Variants in MAP4 observed in about 807,000 individuals in gnomAD.
MAP4 encodes microtubule-associated protein 4.
A neutral mutation model predicts 170.2 loss-of-function variants in MAP4; 76 were observed. The observed-to-expected ratio is 0.45, with a 90% CI of 0.37 to 0.54. The LOEUF (loss-of-function observed/expected upper bound fraction) is 0.54. MAP4 is among the 20% of genes least tolerant of loss of function. MAP4 has a pLI of 0.00. For missense variants in MAP4, 2,506 were observed against 2,748.0 expected (o/e 0.91, Z 1.97); for synonymous variants, 909 against 994.5 (o/e 0.91, Z 1.62).
intron 1 of MAP4, among the ~76,000 whole-genome samples, chr3:48,044,691 A>C (rs2154541110): frequency 6.6e-6 from 1 of 152,158 alleles, no homozygotes; most frequent in Non-Finnish European, 1.5e-5. Context: ...TGAACCTAGG[A>C]CGGGTTCACT....
chr3:47,948,135 C>T (rs1322727237), intron 3 of MAP4, among the ~76,000 whole-genome samples: 1 of 151,356 alleles, frequency 6.6e-6, no homozygotes, highest in African/African-American at 2.4e-5. Context: ...GTAGCTGGGA[C>T]TACAGGTGCC....
intron 1 of MAP4, among the ~76,000 whole-genome samples, chr3:48,031,559 A>C (rs577995998): frequency 2.0e-4 from 31 of 152,128 alleles, no homozygotes; most frequent in African/African-American, 6.3e-4. Context: ...TCAAAAAAAA[A>C]CAAAAAAACA....
At chr3:47,864,333 G>A (rs2075452515) in intron 17 of MAP4, among the ~76,000 whole-genome samples, 1 of 152,238 alleles carries the variant, frequency 6.6e-6, no homozygotes, top group African/African-American at 2.4e-5. Context: ...CTGAGGTCAG[G>A]AGTTCGAGAC....
intron 1 of MAP4, among the ~76,000 whole-genome samples, chr3:48,015,001 G>T (rs2100107071): frequency 6.6e-6 from 1 of 152,128 alleles, no homozygotes. Context: ...TATCAAAGTA[G>T]GGAAAGGGTA....
chr3:47,853,163 TTG>T lies in MAP4; in HGVS notation c.6884_6885del (p.Thr2295LysfsTer7). 1 of 1,597,478 alleles carries T rather than the reference TTG, an allele frequency of 6.3e-7. No individual in the cohort carries two copies. The highest frequency in any genetic ancestry group is 8.5e-7 in the Non-Finnish European group (1 of 1,170,928). The stretch of plus-strand genomic sequence containing the variant: ...CCTTAGGCCGAGCCCAGCCACTTAC[TTG>T]TCTCCTGGATCTGGCTGTCCAAGGT... ...AQTLDSQIQE[T>X]N On this transcript the variant is annotated frameshift_variant and splice_region_variant, in exon 20 of 21. Transcript: ENST00000683076. LOFTEE classifies it high-confidence loss of function.
rs558495909 is a variant in MAP4, at chr3:48,006,145, G to A, written c.-19-7266C>T. Among the ~76,000 whole-genome samples the A allele has an allele frequency of 9.0e-4, 137 of 152,282 alleles. 1 individual carries two copies. The highest frequency in any genetic ancestry group is 1.8e-3 in the Non-Finnish European group (124 of 68,016). On this transcript the variant is annotated intron_variant, in intron 1 of 20. Coordinates refer to ENST00000683076, the MANE Select transcript of MAP4 (RefSeq NM_001385682.1). Reference sequence around the variant, plus strand: ...AAGACTAATTTGAATTATAAAAAGAGAATCATGGCCCCTCACTCAATCCAT... The same window carrying A: ...AAGACTAATTTGAATTATAAAAAGAAAATCATGGCCCCTCACTCAATCCAT...
chr3:47,951,909 G>C (rs1243834497), intron 3 of MAP4, among the ~76,000 whole-genome samples: 3 of 151,428 alleles, frequency 2.0e-5, no homozygotes, highest in Non-Finnish European at 4.4e-5. Flanking sequence ...AGTGAGGAGC[G>C]CCTCTTCCCG....
At chr3:47,889,619 T>C (rs575707281) in intron 10 of MAP4, among the ~76,000 whole-genome samples, 1 of 152,348 alleles carries the variant, frequency 6.6e-6, no homozygotes, top group African/African-American at 2.4e-5. Flanking sequence ...CATCTGAAAT[T>C]TTTTTCTATT....
At chr3:48,045,860 T>C (rs1256917523) in intron 1 of MAP4, among the ~76,000 whole-genome samples, 2 of 152,240 alleles carry the variant, frequency 1.3e-5, no homozygotes, top group African/African-American at 4.8e-5. Flanking sequence ...ATCTTTTCTA[T>C]GCCTTAGCCA....
In MAP4 at chr3:47,853,262, C is replaced by A. The variant is rs141262798; in HGVS notation, c.6787G>T (p.Ala2263Ser). The A allele has an allele frequency of 1.4e-5, 23 of 1,596,508 alleles. No homozygotes were observed. Among genetic ancestry groups the A allele is most frequent in the Admixed American group, 5.2e-5 (3 of 57,806 alleles). Reference protein sequence around the residue: ...AISEAAPEAGAPTSASGLNGH... With the variant: ...AISEAAPEAGSPTSASGLNGH... Reference sequence around the variant, plus strand: ...TTGAGGCCACTGGCTGAAGTGGGGGCGCCAGCTTCAGGCGCTGCCTCAGAG... The same window carrying A: ...TTGAGGCCACTGGCTGAAGTGGGGGAGCCAGCTTCAGGCGCTGCCTCAGAG... The change falls in exon 20 of 21, where the codon GCC becomes TCC. Residue 2263 changes from alanine to serine, a missense_variant. Around this residue, in one of 3 missense-constraint regions of MAP4, gnomAD observed 487 missense variants for 511.6 expected, o/e 0.95. Transcript: ENST00000683076.
At chr3:48,074,807 G>C (rs918305236) in intron 1 of MAP4, among the ~76,000 whole-genome samples, 4 of 151,000 alleles carry the variant, frequency 2.6e-5, no homozygotes, top group African/African-American at 9.8e-5. Context: ...GGGATTACAG[G>C]TGTCAGCCAC....
intron 2 of MAP4, among the ~76,000 whole-genome samples, chr3:47,981,463 AAAT>A (rs1163408104): frequency 1.3e-5 from 2 of 151,974 alleles, no homozygotes; most frequent in South Asian, 2.1e-4. Context: ...TCGTAATAAA[AAAT>A]AATAATAATA....
At chr3:47,908,549 T>G (rs959810498) in intron 9 of MAP4, among the ~76,000 whole-genome samples, 21 of 152,216 alleles carry the variant, frequency 1.4e-4, no homozygotes, top group Admixed American at 1.4e-3. Context: ...TGGACTGATT[T>G]CATTTAACCT....
At chr3:48,015,997 C>A (rs1445854573) in intron 1 of MAP4, among the ~76,000 whole-genome samples, 1 of 152,202 alleles carries the variant, frequency 6.6e-6, no homozygotes, top group Non-Finnish European at 1.5e-5. Flanking sequence ...AGGACAACAG[C>A]TGTGCTATTA....
intron 3 of MAP4, among the ~76,000 whole-genome samples, chr3:47,942,292 C>T (rs1327979801): frequency 1.3e-5 from 2 of 151,984 alleles, no homozygotes; most frequent in Admixed American, 1.3e-4. Context: ...TTAATGCTGG[C>T]AAAGGTGCTT....
At chr3:47,956,492 T>G (rs1164667304) in intron 3 of MAP4, among the ~76,000 whole-genome samples, 1 of 152,208 alleles carries the variant, frequency 6.6e-6, no homozygotes, top group Non-Finnish European at 1.5e-5. Context: ...GTACATTTGG[T>G]TTTCCCTTTT....
At chr3:47,885,390 C>T (rs2097406823) in intron 10 of MAP4, among the ~76,000 whole-genome samples, 1 of 143,496 alleles carries the variant, frequency 7.0e-6, no homozygotes. Flanking sequence ...ATCAATCAAT[C>T]AATCAATCAA....
chr3:47,935,358 A>C (rs2100052128), intron 3 of MAP4, among the ~76,000 whole-genome samples: 1 of 152,232 alleles, frequency 6.6e-6, no homozygotes, highest in Non-Finnish European at 1.5e-5. Flanking sequence ...CATGGGCAAG[A>C]ATGGGAAAAC....
intron 1 of MAP4, among the ~76,000 whole-genome samples, chr3:48,015,113 G>GA (rs2100107118): frequency 6.6e-6 from 1 of 152,112 alleles, no homozygotes; most frequent in Non-Finnish European, 1.5e-5. Flanking sequence ...AGTTTCAGCA[G>GA]AAAGAAATAA....
Sources: allele counts gnomAD v4.1 joint callset (sites outside exome capture counted in the v4.1 genomes callset), GRCh38; gene constraint gnomAD v4.1.1; regional missense constraint gnomAD v4.1.1; transcripts MANE v1.5; gene names NCBI Gene and HGNC (gene_info 2026-07-23, HGNC 2026-07-21).